Variants in DNAH14 observed in about 807,000 individuals in gnomAD.
DNAH14 encodes axonemal beta dynein heavy chain 14.
Under a neutral mutation model 520.9 loss-of-function variants are expected in DNAH14, and 478 were observed. The observed-to-expected ratio is 0.92, with a 90% CI of 0.85 to 0.99. The LOEUF (loss-of-function observed/expected upper bound fraction) is 0.99. DNAH14 is among the 50% of genes least tolerant of loss of function. DNAH14 has a pLI of 0.00. For missense variants in DNAH14, 4,831 were observed against 5,234.5 expected (o/e 0.92, Z 2.38); for synonymous variants, 1,581 against 1,757.2 (o/e 0.90, Z 2.51).
intron 38 of DNAH14, among the ~76,000 whole-genome samples, chr1:225,193,544 A>G (rs1168794029): frequency 1.3e-5 from 2 of 152,092 alleles, no homozygotes; most frequent in African/African-American, 2.4e-5. Flanking sequence ...AATAAATATT[A>G]AAACTAAATA....
At chr1:225,121,484 A>G (rs1573267780) in intron 26 of DNAH14, among the ~76,000 whole-genome samples, 1 of 152,192 alleles carries the variant, frequency 6.6e-6, no homozygotes, top group East Asian at 1.9e-4. Context: ...GATTCTCCAT[A>G]TAAATGAGAT....
chr1:225,340,636 C>T lies in DNAH14; in HGVS notation c.10613C>T (p.Ser3538Phe). Residue 3538 changes from serine (S) to phenylalanine (F), a missense_variant, in exon 69 of 86, where the codon TCC (serine) becomes TTC (phenylalanine). By Grantham distance (155) the Ser-to-Phe change is radical (BLOSUM62 -2). Transcript: ENST00000682510. ...CGTTCCAAGTTACTGGAGAGTATTT[C>T]CCTTGATGCCATAACTCTTGAAGAA... ...DQRSKLLESI[S>F]LDAITLEELE... 1.3e-6 allele frequency: 2 copies of T among 1,551,374 alleles called. No homozygotes were observed. Among genetic ancestry groups the T allele is most frequent in the Non-Finnish European group, 1.7e-6 (2 of 1,146,852 alleles).
chr1:225,031,609 T>G (rs1310464141), intron 11 of DNAH14, among the ~76,000 whole-genome samples: 3 of 152,152 alleles, frequency 2.0e-5, no homozygotes, highest in African/African-American at 7.2e-5. Flanking sequence ...AATCGATTAA[T>G]CTAAAACCAG....
At chr1:225,089,881 G>A (rs2074221543) in intron 21 of DNAH14, among the ~76,000 whole-genome samples, 1 of 152,066 alleles carries the variant, frequency 6.6e-6, no homozygotes, top group Non-Finnish European at 1.5e-5. Context: ...AAGACTGAAC[G>A]CTTTTCCCCT....
At chr1:225,398,830 G>A (rs1267403204) in intron 85 of DNAH14, among the ~76,000 whole-genome samples, 164 bp downstream of exon 85, 1 of 152,082 alleles carries the variant, frequency 6.6e-6, no homozygotes, top group Non-Finnish European at 1.5e-5. Context: ...AAAATCTAAA[G>A]TAGATGCTAT....
In DNAH14 at chr1:225,358,599, A is replaced by G; in HGVS notation, c.11723A>G (p.Asp3908Gly). 1 of 1,549,316 alleles carries G rather than the reference A, an allele frequency of 6.5e-7. No homozygotes were observed. Among genetic ancestry groups the G allele is most frequent in the Non-Finnish European group, 8.7e-7 (1 of 1,146,212 alleles). The stretch of plus-strand genomic sequence containing the variant: ...CAAAGAACTGGAGTTAATTTGAAAG[A>G]TGCATATAAAGGATCCAATGCCAGA... ...YLQRTGVNLK[D>G]AYKGSNARTP... The change falls in exon 74 of 86, where the codon GAT (aspartate) becomes GGT (glycine). Residue 3908 changes from aspartate (D) to glycine (G), a missense_variant. Coordinates refer to ENST00000682510, the MANE Select transcript of DNAH14 (RefSeq NM_001367479.1).
chr1:225,155,310 A>G (rs1282709948), intron 34 of DNAH14, among the ~76,000 whole-genome samples: 1 of 152,192 alleles, frequency 6.6e-6, no homozygotes, highest in African/African-American at 2.4e-5. Context: ...TCCCTTTTAA[A>G]ACATAATAAT....
In DNAH14 at chr1:225,045,376, G is replaced by A. The variant is rs183124510; in HGVS notation, c.1912+1393G>A. On this transcript the variant is annotated intron_variant, in intron 15 of 85. Coordinates refer to ENST00000682510, the MANE Select transcript of DNAH14 (RefSeq NM_001367479.1). Reference sequence around the variant, plus strand: ...TATGCTTTAATCTAGTTATGAAAATGAAGAAATTAATATTAGTATAATAGT... The same window carrying A: ...TATGCTTTAATCTAGTTATGAAAATAAAGAAATTAATATTAGTATAATAGT... 9.9e-4 allele frequency among the ~76,000 whole-genome samples: 150 copies of A among 151,896 alleles called. 1 individual carries two copies. The highest frequency in any genetic ancestry group is 3.4e-3 in the African/African-American group (139 of 41,492).
rs530348553 is a variant in DNAH14 at position 225,079,419 on chromosome 1, G to A, written c.2637G>A (p.Lys879=). ...CCATATTCCAAGTTCTTCTTCTTAA[G>A]TTTAGTCAACTAAAATCATCTATGA... ...QIAIFQVLLL[K]FSQLKSSMKL... is the part of the protein sequence containing the mutation. The change falls in exon 18 of 86, where the codon AAG becomes AAA. Residue 879 remains lysine (K), a synonymous_variant. Coordinates refer to ENST00000682510, the MANE Select transcript of DNAH14 (RefSeq NM_001367479.1). The A allele has an allele frequency of 4.5e-6, 7 of 1,549,786 alleles. No homozygotes were observed. The highest frequency in any genetic ancestry group is 2.4e-5 in the East Asian group (1 of 40,838).
At chr1:225,273,195 G>T in intron 52 of DNAH14, 70 bp downstream of exon 52, 1 of 1,425,522 alleles carries the variant, frequency 7.0e-7, no homozygotes, top group Non-Finnish European at 9.3e-7. Context: ...CACTTTGGGA[G>T]GCCGAAGCGG....
chr1:225,264,340 A>G, intron 47 of DNAH14, 79 bp downstream of exon 47: 1 of 1,121,368 alleles, frequency 8.9e-7, no homozygotes, highest in Non-Finnish European at 1.3e-6. Flanking sequence ...TCTTACATTC[A>G]TGGATCTCAG....
At chr1:225,105,191 C>T (rs545853598) in intron 23 of DNAH14, among the ~76,000 whole-genome samples, 36 of 152,208 alleles carry the variant, frequency 2.4e-4, no homozygotes, top group Non-Finnish European at 4.0e-4. Flanking sequence ...TGTGGTTGAG[C>T]GGTTTTGAGT....
intron 23 of DNAH14, among the ~76,000 whole-genome samples, chr1:225,104,521 T>C (rs2075834713): frequency 6.6e-6 from 1 of 152,144 alleles, no homozygotes; most frequent in Admixed American, 6.5e-5. Context: ...GTCCTGGACT[T>C]TTTTTGGTTG....
At chr1:225,109,372 G>T (rs185701683) in intron 23 of DNAH14, among the ~76,000 whole-genome samples, 1 of 151,754 alleles carries the variant, frequency 6.6e-6, no homozygotes, top group African/African-American at 2.4e-5. Flanking sequence ...CCATTTTTTG[G>T]TGTCCTCATC....
Position 225,372,719 on chromosome 1 carries a change from CA to C in DNAH14, c.12319-1963del, listed in dbSNP as rs1003347610. Among the ~76,000 whole-genome samples the C allele has an allele frequency of 2.6e-5, 4 of 151,982 alleles. No homozygotes were observed. In the South Asian group the frequency reaches 8.3e-4, roughly 31 times the overall value. ...AAGAAAAGATAGGCATATTTGATTA[CA>C]AAAAACTTTTATATGGTAAATGGTG... On this transcript the variant is annotated intron_variant, in intron 77 of 85. Coordinates refer to ENST00000682510, the MANE Select transcript of DNAH14 (RefSeq NM_001367479.1).
chr1:225,318,723 AC>A (rs1463401968), intron 61 of DNAH14, 46 bp downstream of exon 61: 5 of 1,497,494 alleles, frequency 3.3e-6, no homozygotes, highest in African/African-American at 1.4e-5. Context: ...TCAGAAAAAA[AC>A]ATAAATTCAT....
At chr1:225,073,293 G>T (rs1195092011) in intron 17 of DNAH14, among the ~76,000 whole-genome samples, 1 of 151,960 alleles carries the variant, frequency 6.6e-6, no homozygotes, top group Admixed American at 6.6e-5. Flanking sequence ...CCGAAGGCTG[G>T]TACTGCTAAG....
intron 23 of DNAH14, among the ~76,000 whole-genome samples, chr1:225,105,658 T>G (rs2075980049): frequency 6.6e-6 from 1 of 152,188 alleles, no homozygotes; most frequent in Non-Finnish European, 1.5e-5. Flanking sequence ...CTTTGTCTCC[T>G]TTGATCTTTG....
chr1:225,138,968 A>G (rs1363532877), intron 27 of DNAH14, among the ~76,000 whole-genome samples: 1 of 151,044 alleles, frequency 6.6e-6, no homozygotes, highest in East Asian at 1.9e-4. Flanking sequence ...TTAACCCTCC[A>G]TAATCAAGTA....
Sources: gnomAD v4.1 joint callset for allele counts (sites outside exome capture counted in the v4.1 genomes callset) on GRCh38, gnomAD v4.1.1 for gene constraint, MANE v1.5 for transcripts, NCBI Gene and HGNC (gene_info 2026-07-23, HGNC 2026-07-21) for gene names.